MSI1: variants seen among roughly 807,000 people sequenced by gnomAD.
MSI1 encodes the protein RNA-binding protein Musashi homolog 1.
In MSI1, 15 loss-of-function variants were observed where a neutral mutation model predicts 54.4. The observed-to-expected ratio is 0.28, with a 90% confidence interval of 0.18 to 0.42. The LOEUF (loss-of-function observed/expected upper bound fraction) is 0.42, where lower values mean the gene tolerates loss of function less well. Among genes scored for constraint, MSI1 ranks in the 20% least tolerant of loss-of-function variants. The pLI is 1.00. For missense variants in MSI1, 304 were observed against 506.0 expected (o/e 0.60, Z 3.83); for synonymous variants, 200 against 196.5 (o/e 1.02, Z -0.15).
chr12:120,368,353 C>G lies in MSI1; in HGVS notation c.101-80G>C. 6.9e-7 allele frequency: 1 copy of G among 1,450,492 alleles called. No individual in the cohort carries two copies. Among genetic ancestry groups the G allele is most frequent in the Non-Finnish European group, 9.3e-7 (1 of 1,077,854 alleles). The allele number at this position is 1,450,492 out of a possible 1,614,324, so 89.9% of individuals were successfully genotyped here. On this transcript the variant is annotated intron_variant, in intron 2 of 14. Transcript: ENST00000257552. The surrounding 1 kb of genome is among the most constrained non-coding windows in gnomAD (Gnocchi z 6.6). ...CCCCGTCCTTTGCCCCCGGTGACCC[C>G]GGAGCGGCCCGGCCGCCCCCGCGCC...
At chr12:120,339,688 C>T (rs1172464457), downstream of MSI1, among the ~76,000 whole-genome samples, 5 of 152,062 alleles carry the variant, frequency 3.3e-5, no homozygotes, top group Non-Finnish European at 7.4e-5. Flanking sequence ...GAGTGAAAGA[C>T]CCCCAACCTG....
rs982835146 is a variant in MSI1, at chr12:120,368,727, G to A, written c.100+106C>T. The A allele has an allele frequency of 8.4e-6, 9 of 1,072,788 alleles. No individual in the cohort carries two copies. The African/African-American group carries it at 1.3e-4, about 16-fold the overall frequency. The allele number at this position is 1,072,788 out of a possible 1,614,324, so 66.5% of individuals were successfully genotyped here. ...GGGGCGCGAAAGAGGGCGCGAGGGC[G>A]CCCGGGGTCAGCAGGGCGCAGGGCC... is the stretch of plus-strand genomic sequence containing the variant. On this transcript the variant is annotated intron_variant, in intron 2 of 14. Transcript: ENST00000257552. The surrounding 1 kb of genome is among the most constrained non-coding windows in gnomAD (Gnocchi z 6.6).
chr12:120,346,930 C>T (rs1395710172), intron 12 of MSI1, among the ~76,000 whole-genome samples: 1 of 151,964 alleles, frequency 6.6e-6, no homozygotes, highest in Non-Finnish European at 1.5e-5. Context: ...CCCTGGAAGG[C>T]AGAGACCCTG....
Position 120,368,925 on chromosome 12 carries a change from G to A in MSI1, c.60-52C>T, listed in dbSNP as rs1390506511. The A allele has an allele frequency of 2.3e-6, 3 of 1,324,396 alleles. No individual in the cohort carries two copies. The highest frequency in any genetic ancestry group is 3.4e-5 in the South Asian group (2 of 58,112). 82.0% of individuals were successfully genotyped at this position (1,324,396 alleles called of 1,614,324 possible). A position where few individuals can be genotyped will look rare whatever the true frequency, so the allele number is the denominator to read the frequency against. Reference sequence around the variant, plus strand: ...GCCCGCGTGAGCGCCGGGCGCCAGGGCGCAGGGGGCGCGGGCCCGGGCTCC... The same window carrying A: ...GCCCGCGTGAGCGCCGGGCGCCAGGACGCAGGGGGCGCGGGCCCGGGCTCC... On this transcript the variant is annotated intron_variant, in intron 1 of 14. Transcript: ENST00000257552. The surrounding 1 kb of genome is among the most constrained non-coding windows in gnomAD (Gnocchi z 6.6).
intron 6 of MSI1, among the ~76,000 whole-genome samples, chr12:120,359,662 T>A (rs1156591146): frequency 1.3e-5 from 2 of 152,118 alleles, no homozygotes; most frequent in Non-Finnish European, 2.9e-5. Context: ...ACATCATCCA[T>A]CCTCTCTTGG....
intron 5 of MSI1, among the ~76,000 whole-genome samples, chr12:120,364,198 A>G (rs1357874892): frequency 5.3e-5 from 8 of 152,332 alleles, no homozygotes; most frequent in Admixed American, 2.0e-4. Flanking sequence ...GCAGCAGGGT[A>G]AGAGAGCATT....
chr12:120,345,430 G>T, intron 14 of MSI1, 140 bp downstream of exon 14: 1 of 688,422 alleles, frequency 1.5e-6, no homozygotes, highest in South Asian at 1.9e-5. Flanking sequence ...CATCTTTATT[G>T]ACCACAGCTG....
Position 120,357,023 on chromosome 12 carries a change from C to G in MSI1, c.535-4G>C. Reference sequence around the variant, plus strand: ...GCTGAGCTTTCTTACATTCCACCTGCAATGAGACCTGGCGGTTAGTCTTTC... The same window carrying G: ...GCTGAGCTTTCTTACATTCCACCTGGAATGAGACCTGGCGGTTAGTCTTTC... On this transcript the variant is annotated splice_region_variant and splice_polypyrimidine_tract_variant and intron_variant, in intron 8 of 14. Transcript: ENST00000257552. The G allele has an allele frequency of 6.2e-7, 1 of 1,613,438 alleles. No homozygotes were observed.
intron 9 of MSI1, among the ~76,000 whole-genome samples, chr12:120,355,495 C>G (rs1348250313): frequency 6.6e-6 from 1 of 152,014 alleles, no homozygotes; most frequent in Non-Finnish European, 1.5e-5. Flanking sequence ...AAGAATATCC[C>G]TAATCTTAGG....
At chr12:120,358,584 G>C (rs371811848) in intron 7 of MSI1, among the ~76,000 whole-genome samples, 66 of 152,356 alleles carry the variant, frequency 4.3e-4, no homozygotes, top group African/African-American at 1.5e-3. Context: ...CGCACACGGT[G>C]TGGCCCAGAT....
chr12:120,364,509 C>G (rs1157679970), intron 5 of MSI1, among the ~76,000 whole-genome samples: 11 of 152,076 alleles, frequency 7.2e-5, no homozygotes, highest in Admixed American at 5.9e-4. Flanking sequence ...CTCCAGTCCA[C>G]CCCAGAGCTC....
chr12:120,357,134 T>G (rs1875202235), intron 8 of MSI1, 115 bp from the exon 9 acceptor site: 4 of 953,542 alleles, frequency 4.2e-6, no homozygotes, highest in Non-Finnish European at 6.6e-6. Context: ...CTGAAAACTA[T>G]TTCATGGTTA....
At position 120,357,768 on chromosome 12, in the gene MSI1, A is replaced by G. The variant is rs201726723; in HGVS notation, c.534+48T>C. 398 of 1,593,872 alleles carry G rather than the reference A, an allele frequency of 2.5e-4. 1 individual carries two copies. In the African/African-American group the frequency reaches 3.5e-3, roughly 14 times the overall value. On this transcript the variant is annotated intron_variant, in intron 8 of 14. Coordinates refer to ENST00000257552, the MANE Select transcript of MSI1 (RefSeq NM_002442.4). ...TAATCTGCCCACCTCAACCTCCCCA[A>G]AGTGCTTGGCTTACAGGCGTGAGCC...
intron 5 of MSI1, 135 bp downstream of exon 5, chr12:120,364,579 T>C (rs1261040915): frequency 2.1e-5 from 17 of 826,866 alleles, no homozygotes; most frequent in African/African-American, 5.3e-5. Context: ...AATCCCCTCT[T>C]CCCAGCCCAG....
chr12:120,354,145 C>T (rs2136939225), intron 9 of MSI1, among the ~76,000 whole-genome samples: 1 of 151,994 alleles, frequency 6.6e-6, no homozygotes, highest in African/African-American at 2.4e-5. Flanking sequence ...GCTGCTATGC[C>T]TGGCTAATTT....
intron 9 of MSI1, among the ~76,000 whole-genome samples, chr12:120,355,030 C>CAAAA (rs71076610): frequency 6.8e-5 from 3 of 44,116 alleles, no homozygotes; most frequent in African/African-American, 1.0e-4. Context: ...CCGTCTCTAC[C>CAAAA]AAAAAAAAAA....
At chr12:120,343,999 A>G (rs546832374) in intron 14 of MSI1, among the ~76,000 whole-genome samples, 13 of 152,174 alleles carry the variant, frequency 8.5e-5, no homozygotes, top group African/African-American at 2.9e-4. Flanking sequence ...TGAGATTACA[A>G]GTGCGCACCA....
intron 10 of MSI1, among the ~76,000 whole-genome samples, chr12:120,352,131 C>T (rs948592764): frequency 1.3e-5 from 2 of 152,016 alleles, no homozygotes; most frequent in Non-Finnish European, 2.9e-5. Context: ...GATCCTCCCA[C>T]CTCAGCCTCC....
intron 7 of MSI1, 50 bp from the exon 8 acceptor site, chr12:120,357,948 T>C (rs1875282065): frequency 1.3e-6 from 2 of 1,537,106 alleles, no homozygotes; most frequent in African/African-American, 2.7e-5. Context: ...GAGCGCAGGG[T>C]CAAAACTCAA....
Sources: gnomAD v4.1 joint callset for allele counts (sites outside exome capture counted in the v4.1 genomes callset) on GRCh38, gnomAD v4.1.1 for gene constraint, Gnocchi (gnomAD v3.1) non-coding constraint, MANE v1.5 for transcripts, NCBI Gene and HGNC (gene_info 2026-07-23, HGNC 2026-07-21) for gene names.